MGAT4C: variants seen among roughly 807,000 people sequenced by gnomAD.
The protein encoded by MGAT4C is alpha-1,3-mannosyl-glycoprotein 4-beta-N-acetylglucosaminyltransferase C.
MGAT4C carries 19 observed loss-of-function variants against 40.1 expected under a neutral mutation model. The ratio of observed to expected loss-of-function variants is 0.47; its 90% CI spans 0.33 to 0.70. The LOEUF (loss-of-function observed/expected upper bound fraction) is 0.70. MGAT4C is among the 30% of genes least tolerant of loss of function. The pLI, the probability that MGAT4C is intolerant of heterozygous loss-of-function variation, is 0.02. For synonymous variants in MGAT4C, 181 were observed against 187.1 expected, an observed-to-expected ratio of 0.97 and a Z score of 0.27; for missense variants, 491 against 563.2, an observed-to-expected ratio of 0.87 and a Z score of 1.30.
chr12:86,509,121 A>G (rs1343018019), intron 2 of MGAT4C, among the ~76,000 whole-genome samples: 1 of 152,160 alleles, frequency 6.6e-6, no homozygotes, highest in African/African-American at 2.4e-5. Context: ...TGTTTTAGAC[A>G]TGAAGTCCTT....
At chr12:86,065,818 T>C (rs1164328750) in intron 1 of MGAT4C, among the ~76,000 whole-genome samples, 1 of 152,170 alleles carries the variant, frequency 6.6e-6, no homozygotes, top group African/African-American at 2.4e-5. Flanking sequence ...CCCCATAGTC[T>C]CAGCCCAAAA....
chr12:86,489,710 A>G (rs1958094688), intron 2 of MGAT4C, among the ~76,000 whole-genome samples: 1 of 152,142 alleles, frequency 6.6e-6, no homozygotes, highest in Non-Finnish European at 1.5e-5. Flanking sequence ...GGGTTGAACC[A>G]TGTGGGCTGA....
chr12:86,671,600 A>G (rs959266467), intron 2 of MGAT4C, among the ~76,000 whole-genome samples: 2 of 152,222 alleles, frequency 1.3e-5, no homozygotes, highest in Admixed American at 6.5e-5. Context: ...AAACAATGGG[A>G]TGAAAAAAGG....
intron 2 of MGAT4C, among the ~76,000 whole-genome samples, chr12:86,648,907 T>G (rs946881373): frequency 2.8e-4 from 43 of 151,842 alleles, no homozygotes; most frequent in African/African-American, 8.7e-4. Flanking sequence ...AATTGTTCTC[T>G]CTATAGATTT....
At chr12:86,490,268 T>A (rs2136322128) in intron 2 of MGAT4C, among the ~76,000 whole-genome samples, 1 of 152,164 alleles carries the variant, frequency 6.6e-6, no homozygotes, top group Admixed American at 6.5e-5. Context: ...GGGCCAATAT[T>A]CAACATTCTT....
At chr12:86,458,991 C>T (rs904760451) in intron 2 of MGAT4C, among the ~76,000 whole-genome samples, 2 of 151,960 alleles carry the variant, frequency 1.3e-5, no homozygotes, top group African/African-American at 4.8e-5. Context: ...CTCATCACTA[C>T]ACTCGCTTCC....
chr12:86,820,382 A>G (rs1952684845), intron 1 of MGAT4C, among the ~76,000 whole-genome samples: 1 of 150,822 alleles, frequency 6.6e-6, no homozygotes. Context: ...CATTTCTACA[A>G]CAAGGAAAGA....
At chr12:86,640,280 A>T (rs930488590) in intron 2 of MGAT4C, among the ~76,000 whole-genome samples, 2 of 151,914 alleles carry the variant, frequency 1.3e-5, no homozygotes, top group South Asian at 4.1e-4. Context: ...CTCAACTTAA[A>T]TGCTACAATA....
chr12:86,802,163 T>C (rs769903007), intron 1 of MGAT4C, among the ~76,000 whole-genome samples: 1 of 151,956 alleles, frequency 6.6e-6, no homozygotes, highest in Non-Finnish European at 1.5e-5. Context: ...TTTAGAATTG[T>C]TGAAAGATTA....
chr12:86,126,321 TAAA>T (rs1471149053), intron 1 of MGAT4C, among the ~76,000 whole-genome samples: 3 of 151,856 alleles, frequency 2.0e-5, no homozygotes. Flanking sequence ...ATATTAAAAA[TAAA>T]AAGAGAATTT....
At chr12:86,461,256 T>G (rs1957595963) in intron 2 of MGAT4C, among the ~76,000 whole-genome samples, 2 of 148,794 alleles carry the variant, frequency 1.3e-5, no homozygotes, top group Non-Finnish European at 1.5e-5. Context: ...TTTTTTTTTT[T>G]GAGACGGAGT....
intron 1 of MGAT4C, among the ~76,000 whole-genome samples, chr12:86,189,888 T>G (rs1452264986): frequency 6.6e-6 from 1 of 152,064 alleles, no homozygotes; most frequent in Non-Finnish European, 1.5e-5. Context: ...ATGTTCCTTT[T>G]GATGGTATAA....
intron 3 of MGAT4C, among the ~76,000 whole-genome samples, chr12:86,340,350 A>G (rs879267058): frequency 2.0e-5 from 3 of 152,200 alleles, no homozygotes; most frequent in Admixed American, 6.5e-5. Flanking sequence ...GACGTTTTGC[A>G]TCAGATGAAT....
Position 85,969,758 on chromosome 12 carries a change from C to G in MGAT4C, c.*9531G>C, listed in dbSNP as rs2136656885. 6.6e-6 allele frequency: 1 copy of G among 151,514 alleles called. No homozygotes were observed. Among genetic ancestry groups the G allele is most frequent in the East Asian group, 1.9e-4 (1 of 5,178 alleles). 9.4% of individuals were successfully genotyped at this position (151,514 alleles called of 1,614,324 possible). A position where few individuals can be genotyped will look rare whatever the true frequency, so the allele number is the denominator to read the frequency against. ...TAAGGGGCATAGATTTTGAATTACA[C>G]AAACCTGAAATCCAATGCTCTCTCT... On this transcript the variant is annotated 3_prime_UTR_variant, in exon 5 of 5. Transcript: ENST00000611864.
At chr12:86,443,155 G>T (rs1413073208) in intron 2 of MGAT4C, among the ~76,000 whole-genome samples, 1 of 151,594 alleles carries the variant, frequency 6.6e-6, no homozygotes, top group African/African-American at 2.4e-5. Context: ...TATGTATGAA[G>T]TATATTTATA....
intron 3 of MGAT4C, among the ~76,000 whole-genome samples, chr12:86,347,438 G>C (rs1217406390): frequency 1.3e-5 from 2 of 152,206 alleles, no homozygotes; most frequent in Middle Eastern, 3.4e-3. Flanking sequence ...GAAATATTAA[G>C]TATAAAAAAA....
chr12:86,294,117 T>A (rs982126842), intron 4 of MGAT4C, among the ~76,000 whole-genome samples: 20 of 108,304 alleles, frequency 1.8e-4, no homozygotes, highest in Admixed American at 5.1e-4. Context: ...CTTTAGAAAT[T>A]AAAAAACAAT....
chr12:86,437,495 A>T (rs1957156236), intron 2 of MGAT4C, among the ~76,000 whole-genome samples: 1 of 151,900 alleles, frequency 6.6e-6, no homozygotes, highest in Non-Finnish European at 1.5e-5. Context: ...ATAACATATC[A>T]TATTAGTTAA....
intron 2 of MGAT4C, among the ~76,000 whole-genome samples, chr12:86,546,548 G>T (rs904908935): frequency 2.0e-5 from 3 of 151,860 alleles, no homozygotes; most frequent in African/African-American, 7.2e-5. Context: ...TCCTTTATAG[G>T]CATCAAGTAA....
Sources: allele counts gnomAD v4.1 joint callset (sites outside exome capture counted in the v4.1 genomes callset), GRCh38; gene constraint gnomAD v4.1.1; transcripts MANE v1.5; gene names NCBI Gene and HGNC (gene_info 2026-07-23, HGNC 2026-07-21).